Variants in TSPAN18 observed in about 807,000 individuals in gnomAD.
TSPAN18 encodes tetraspanin 18, also known as tetraspanin-18.
A neutral mutation model predicts 27.3 loss-of-function variants in TSPAN18; 14 were observed. The observed-to-expected ratio is 0.51, with a 90% CI of 0.34 to 0.80. The LOEUF is 0.80. Ranked by LOEUF, TSPAN18 falls within the 30% of genes least tolerant of loss-of-function variation. The pLI, the probability that TSPAN18 is intolerant of heterozygous loss-of-function variation, is 0.01. For missense variants in TSPAN18, 268 were observed against 323.9 expected (o/e 0.83, Z 1.32); for synonymous variants, 143 against 136.5 (o/e 1.05, Z -0.33).
At chr11:44,769,848 A>G (rs1855651283) in intron 2 of TSPAN18, among the ~76,000 whole-genome samples, 1 of 152,118 alleles carries the variant, frequency 6.6e-6, no homozygotes, top group African/African-American at 2.4e-5. Context: ...GATTTTATAG[A>G]TCTTTTCAAA....
intron 2 of TSPAN18, among the ~76,000 whole-genome samples, chr11:44,791,325 C>T (rs777919012): frequency 9.2e-5 from 14 of 152,114 alleles, no homozygotes; most frequent in Admixed American, 2.6e-4. Context: ...GGGGGGTAGC[C>T]GGGGAGATAT....
At chr11:44,840,713 T>C (rs2135164553) in intron 2 of TSPAN18, among the ~76,000 whole-genome samples, 1 of 152,344 alleles carries the variant, frequency 6.6e-6, no homozygotes, top group African/African-American at 2.4e-5. Flanking sequence ...TGCTTGATCA[T>C]GACACAGCTT....
In TSPAN18 at chr11:44,920,002, A is replaced by G; in HGVS notation, c.615+3A>G. On this transcript the variant is annotated splice_donor_region_variant and intron_variant, in intron 8 of 9. Coordinates refer to ENST00000520358, the MANE Select transcript of TSPAN18 (RefSeq NM_130783.5). The stretch of plus-strand genomic sequence containing the variant: ...GGAGCCTATTCCTAAACAAGCAGGT[A>G]CTGGCCCTGCTCTCCAGACAGGGGA... 2 of 1,611,940 alleles carry G rather than the reference A, an allele frequency of 1.2e-6. No homozygotes were observed. Among genetic ancestry groups the G allele is most frequent in the Admixed American group, 1.7e-5 (1 of 59,714 alleles).
At chr11:44,756,616 C>G (rs1369448841) in intron 1 of TSPAN18, among the ~76,000 whole-genome samples, 2 of 152,154 alleles carry the variant, frequency 1.3e-5, no homozygotes, top group East Asian at 3.8e-4. Flanking sequence ...TATTTCTGGT[C>G]TCTGTGATTT....
At chr11:44,903,336 A>C (rs1191979918) in intron 3 of TSPAN18, 1 of 439,814 alleles carries the variant, frequency 2.3e-6, no homozygotes, top group Non-Finnish European at 4.6e-6. Flanking sequence ...AGAGGCACCA[A>C]GTAAGCGTCA....
At chr11:44,823,646 G>A (rs1856975344) in intron 2 of TSPAN18, among the ~76,000 whole-genome samples, 1 of 152,144 alleles carries the variant, frequency 6.6e-6, no homozygotes, top group South Asian at 2.1e-4. Flanking sequence ...CTGGTCCATG[G>A]ATTTGACTTG....
intron 3 of TSPAN18, among the ~76,000 whole-genome samples, chr11:44,887,087 G>C (rs991122301): frequency 6.6e-6 from 1 of 152,196 alleles, no homozygotes; most frequent in African/African-American, 2.4e-5. Context: ...TTTTAGATTT[G>C]ATTTTTATTT....
chr11:44,829,708 A>G (rs925901478), intron 2 of TSPAN18, among the ~76,000 whole-genome samples: 2 of 152,168 alleles, frequency 1.3e-5, no homozygotes, highest in African/African-American at 4.8e-5. Context: ...TAAGGAGTAC[A>G]ATTTTTGGAT....
intron 1 of TSPAN18, among the ~76,000 whole-genome samples, chr11:44,732,797 C>G (rs931346546): frequency 6.6e-6 from 1 of 152,186 alleles, no homozygotes; most frequent in Non-Finnish European, 1.5e-5. Flanking sequence ...GGCTGTGTGG[C>G]CTTGGCTTCC....
chr11:44,897,588 T>C (rs1209216830), intron 3 of TSPAN18, among the ~76,000 whole-genome samples: 1 of 152,204 alleles, frequency 6.6e-6, no homozygotes, highest in Non-Finnish European at 1.5e-5. Flanking sequence ...TGGAGTGGCC[T>C]CAGGTGCTGA....
At chr11:44,919,740 G>A in intron 7 of TSPAN18, 77 bp from the exon 8 acceptor site, 2 of 1,426,360 alleles carry the variant, frequency 1.4e-6, no homozygotes, top group Non-Finnish European at 2.0e-6. Context: ...CCTTTGCAGA[G>A]GCTGTATGTC....
intron 2 of TSPAN18, among the ~76,000 whole-genome samples, chr11:44,848,948 A>G (rs1458180947): frequency 6.6e-6 from 1 of 152,234 alleles, no homozygotes; most frequent in Non-Finnish European, 1.5e-5. Context: ...ACTGAGTTCA[A>G]GTCCAAGTGC....
intron 4 of TSPAN18, 22 bp from the exon 5 acceptor site, chr11:44,909,683 A>G (rs1399308361): frequency 6.3e-7 from 1 of 1,595,934 alleles, no homozygotes; most frequent in African/African-American, 1.3e-5. Flanking sequence ...TCTCCTCCCA[A>G]CTCCTCCACT....
intron 2 of TSPAN18, among the ~76,000 whole-genome samples, chr11:44,832,417 C>G (rs1310926952): frequency 4.0e-5 from 6 of 151,754 alleles, no homozygotes; most frequent in African/African-American, 1.5e-4. Flanking sequence ...CCTCTTTTTC[C>G]TTCATTCTCC....
chr11:44,765,645 T>C (rs1336141172), intron 2 of TSPAN18, among the ~76,000 whole-genome samples: 1 of 152,198 alleles, frequency 6.6e-6, no homozygotes, highest in Non-Finnish European at 1.5e-5. Flanking sequence ...TAAGGTCACA[T>C]AGCACTGAGT....
In TSPAN18 at chr11:44,908,822, A is replaced by AG. The variant is rs147716789; in HGVS notation, c.64-882dup. Among the ~76,000 whole-genome samples, 3 of 111,466 alleles carry AG rather than the reference A, an allele frequency of 2.7e-5. 1 individual carries two copies. The highest frequency in any genetic ancestry group is 1.2e-4 in the African/African-American group (3 of 24,780). 73.1% of individuals were successfully genotyped at this position (111,466 alleles called of 152,430 possible). ...AAGAAAGAAAGAAAGAAAGAAAGAA[A>AG]GAAAGAAAAAGAAAAATGGAGCAGA... On this transcript the variant is annotated intron_variant, in intron 4 of 9. Transcript: ENST00000520358.
In TSPAN18 at chr11:44,851,200, G is replaced by T. The variant is rs142999825; in HGVS notation, c.-152-9128G>T. 2.2e-3 allele frequency among the ~76,000 whole-genome samples: 339 copies of T among 152,366 alleles called. 4 individuals are homozygous for T. Among genetic ancestry groups the T allele is most frequent in the Middle Eastern group, 0.017 (5 of 294 alleles). The stretch of plus-strand genomic sequence containing the variant: ...TGGTCACGTTCATCACACACAGCCT[G>T]AGCAGTGGGCCAGCGGGGAATCTCT... On this transcript the variant is annotated intron_variant, in intron 2 of 9. Transcript: ENST00000520358.
At chr11:44,921,239 G>T (rs1860122475) in intron 8 of TSPAN18, among the ~76,000 whole-genome samples, 1 of 152,212 alleles carries the variant, frequency 6.6e-6, no homozygotes, top group South Asian at 2.1e-4. Flanking sequence ...CTGCCGTGGG[G>T]AGCAGCTGCA....
chr11:44,764,862 C>T (rs947043547), intron 2 of TSPAN18, among the ~76,000 whole-genome samples: 5 of 152,152 alleles, frequency 3.3e-5, no homozygotes, highest in African/African-American at 4.8e-5. Flanking sequence ...CTCAGCCTCC[C>T]CCATACCCAC....
Sources: allele counts gnomAD v4.1 joint callset (sites outside exome capture counted in the v4.1 genomes callset), GRCh38; gene constraint gnomAD v4.1.1; transcripts MANE v1.5; gene names NCBI Gene and HGNC (gene_info 2026-07-23, HGNC 2026-07-21).